Variants in ARHGAP27 observed in about 807,000 individuals in gnomAD.
ARHGAP27 encodes the protein Rho GTPase activating protein 27, also known as rho GTPase-activating protein 27.
A neutral mutation model predicts 102.0 loss-of-function variants in ARHGAP27; 53 were observed. The ratio of observed to expected loss-of-function variants is 0.52; its 90% CI spans 0.42 to 0.65. The LOEUF (loss-of-function observed/expected upper bound fraction) is 0.65, where lower values mean the gene tolerates loss of function less well. ARHGAP27 is among the 30% of genes least tolerant of loss of function. ARHGAP27 has a pLI of 0.00. For missense variants in ARHGAP27, 1,117 were observed against 1,256.2 expected (o/e 0.89, Z 1.68); for synonymous variants, 525 against 542.8 (o/e 0.97, Z 0.46).
In ARHGAP27 at chr17:45,429,393, GC is replaced by G. The variant is rs1439221477; in HGVS notation, c.657+229del. The G allele has an allele frequency of 3.7e-6, 5 of 1,360,042 alleles. No individual in the cohort carries two copies. In the Admixed American group the frequency reaches 1.9e-4, roughly 51 times the overall value. The allele number at this position is 1,360,042 out of a possible 1,614,324, so 84.2% of individuals were successfully genotyped here. Reference sequence around the variant, plus strand: ...TTTGCCACCAATTGGATTACGAAAAGCCTCTGGGCTTCCAGGGAGCTTTGGA... The same window carrying G: ...TTTGCCACCAATTGGATTACGAAAAGCTCTGGGCTTCCAGGGAGCTTTGGA... On this transcript the variant is annotated intron_variant, in intron 4 of 19. Transcript: ENST00000685559.
chr17:45,417,869 C>A lies in ARHGAP27; in HGVS notation c.657+11754G>T, dbSNP rs12952504. ...GAGATCGAGACCATCATGGCTAACA[C>A]GGTGAAACCCCGTCTCTACTAAAAA... On this transcript the variant is annotated intron_variant, in intron 4 of 19. Transcript: ENST00000685559. Among the ~76,000 whole-genome samples the A allele has an allele frequency of 4.4e-3, 674 of 151,702 alleles. 2 individuals carry two copies. The highest frequency in any genetic ancestry group is 0.015 in the African/African-American group (636 of 41,360).
chr17:45,405,655 C>T, intron 5 of ARHGAP27, 21 bp downstream of exon 5: 1 of 1,561,784 alleles, frequency 6.4e-7, no homozygotes, highest in South Asian at 1.2e-5. Flanking sequence ...TAGAACCGCC[C>T]ACTCTGGCCC....
intron 1 of ARHGAP27, 90 bp from the exon 2 acceptor site, chr17:45,432,439 G>C (rs2050119347): frequency 6.5e-6 from 1 of 152,852 alleles, no homozygotes; most frequent in Admixed American, 6.5e-5. Context: ...GGTCCCCTGC[G>C]TCCACTGCCC....
chr17:45,428,260 C>G (rs1033970153), intron 4 of ARHGAP27, among the ~76,000 whole-genome samples: 3 of 152,264 alleles, frequency 2.0e-5, no homozygotes, highest in Non-Finnish European at 4.4e-5. Context: ...GCTGCAGAAG[C>G]CTGAGTGAAG....
intron 12 of ARHGAP27, among the ~76,000 whole-genome samples, chr17:45,400,718 C>T (rs1226207584): frequency 6.6e-6 from 1 of 151,938 alleles, no homozygotes; most frequent in Non-Finnish European, 1.5e-5. Context: ...AGATTGAGAC[C>T]ATCCTGGCCA....
In ARHGAP27 at chr17:45,404,699, G is replaced by A. The variant is rs534306612; in HGVS notation, c.1249-18C>T. 219 of 1,604,110 alleles carry A rather than the reference G, an allele frequency of 1.4e-4. 4 individuals are homozygous for A. In the South Asian group the frequency reaches 2.3e-3, roughly 17 times the overall value. On this transcript the variant is annotated intron_variant, in intron 6 of 19. Coordinates refer to ENST00000685559, the MANE Select transcript of ARHGAP27 (RefSeq NM_001282290.2). ...CTCACCCACTGTGGGGAGAGGAATGGTCAGGGCCTCCAGCCCAGCTTATGA... is the reference window on the plus strand; with the variant it reads ...CTCACCCACTGTGGGGAGAGGAATGATCAGGGCCTCCAGCCCAGCTTATGA...
chr17:45,414,902 CAA>C (rs35471470), intron 4 of ARHGAP27, among the ~76,000 whole-genome samples: 1,585 of 92,908 alleles, frequency 0.017, 23 homozygotes, highest in African/African-American at 0.058. Context: ...CTAAAAATAC[CAA>C]AAAAAAAAAA....
Position 45,405,755 on chromosome 17 carries a change from T to C in ARHGAP27, c.986A>G (p.Glu329Gly). 1 of 1,597,224 alleles carries C rather than the reference T, an allele frequency of 6.3e-7. No homozygotes were observed. The highest frequency in any genetic ancestry group is 8.5e-7 in the Non-Finnish European group (1 of 1,178,056). ...YNPLTGETAWEDEAENEPEEE... is the reference protein window; with the variant it reads ...YNPLTGETAWGDEAENEPEEE... ...CTCGGGCTCGTTCTCGGCCTCGTCC[T>C]CCCAGGCCGTCTCGCCCGTCAGCGG... Residue 329 changes from glutamate (E) to glycine (G), a missense_variant, in exon 5 of 20, where the codon GAG (glutamate) becomes GGG (glycine). This residue lies in a region of ARHGAP27 where 610 missense variants were observed against 716.4 expected (regional missense o/e 0.85). Coordinates refer to ENST00000685559, the MANE Select transcript of ARHGAP27 (RefSeq NM_001282290.2).
intron 4 of ARHGAP27, among the ~76,000 whole-genome samples, chr17:45,418,720 T>G (rs1215650590): frequency 6.6e-6 from 1 of 151,636 alleles, no homozygotes; most frequent in South Asian, 2.1e-4. Flanking sequence ...CTGGCACAGG[T>G]GAGAGGCTGT....
chr17:45,396,866 C>T, intron 14 of ARHGAP27, 50 bp downstream of exon 14: 1 of 1,607,406 alleles, frequency 6.2e-7, no homozygotes, highest in Non-Finnish European at 8.5e-7. Context: ...AACCGTCACT[C>T]CCCAGGAGAG....
At chr17:45,397,337 G>C in intron 13 of ARHGAP27, 2 of 1,251,236 alleles carry the variant, frequency 1.6e-6, no homozygotes, top group Non-Finnish European at 2.0e-6. Context: ...CTCTAACTGG[G>C]TCAGCATTCC....
In ARHGAP27 at chr17:45,395,106, CA is replaced by C. The variant is rs1171869459; in HGVS notation, c.*349del. ...CAGAAGCAGCCAGGAAGCCCTCCAT[CA>C]AACTCCTCCTCCCAGCACCTACCAT... On this transcript the variant is annotated 3_prime_UTR_variant, in exon 20 of 20. Coordinates refer to ENST00000685559, the MANE Select transcript of ARHGAP27 (RefSeq NM_001282290.2). 5 of 317,804 alleles carry C rather than the reference CA, an allele frequency of 1.6e-5. No homozygotes were observed. Among genetic ancestry groups the C allele is most frequent in the Non-Finnish European group, 2.9e-5 (5 of 170,620 alleles). The allele number at this position is 317,804 out of a possible 1,614,324, so 19.7% of individuals were successfully genotyped here.
Position 45,396,014 on chromosome 17 carries a change from G to A in ARHGAP27, c.2355C>T (p.Phe785=). The A allele has an allele frequency of 1.2e-6, 2 of 1,613,602 alleles. No homozygotes were observed. Among genetic ancestry groups the A allele is most frequent in the East Asian group, 2.2e-5 (1 of 44,874 alleles). The change falls in exon 18 of 20, where the codon TTC becomes TTT. Residue 785 remains phenylalanine (F), a synonymous_variant. Coordinates refer to ENST00000685559, the MANE Select transcript of ARHGAP27 (RefSeq NM_001282290.2). ...FRELPEPLFP[F]SHFRQFIAAI... ...CCGCAATGAACTGGCGGAAGTGCGA[G>A]AAGGGGAAGAGGGGCTCGGGCAGCT... is the stretch of plus-strand genomic sequence containing the variant.
At chr17:45,418,985 G>A (rs1567726524) in intron 4 of ARHGAP27, among the ~76,000 whole-genome samples, 2 of 151,916 alleles carry the variant, frequency 1.3e-5, no homozygotes, top group African/African-American at 4.8e-5. Flanking sequence ...CCACTCTAGG[G>A]CCCCCCCACC....
At position 45,404,491 on chromosome 17, in the gene ARHGAP27, C is replaced by A. The variant is rs767655130; in HGVS notation, c.1367G>T (p.Ser456Ile). Reference protein sequence around the residue: ...VPAPRSIHKSSQDGDTPAQAS... With the variant: ...VPAPRSIHKSIQDGDTPAQAS... ...CTGGGCTGGGGTGTCACCATCCTGG[C>A]TGGATTTATGGATGCTTCGAGGGGC... Residue 456 changes from serine (S) to isoleucine (I), a missense_variant, in exon 8 of 20, where the codon AGC becomes ATC. By Grantham distance (142) the Ser-to-Ile change is moderately radical. Around this residue, in one of 3 missense-constraint regions of ARHGAP27, gnomAD observed 610 missense variants for 716.4 expected, o/e 0.85. Coordinates refer to ENST00000685559, the MANE Select transcript of ARHGAP27 (RefSeq NM_001282290.2). The A allele has an allele frequency of 1.9e-6, 3 of 1,613,664 alleles. No homozygotes were observed. The East Asian group carries it at 6.7e-5, about 36-fold the overall frequency.
chr17:45,397,319 C>T, intron 13 of ARHGAP27: 3 of 1,300,350 alleles, frequency 2.3e-6, no homozygotes, highest in Non-Finnish European at 2.9e-6. Flanking sequence ...CTCTATTTTC[C>T]TCAGCTCCTC....
At chr17:45,419,322 C>T (rs897672984) in intron 4 of ARHGAP27, among the ~76,000 whole-genome samples, 27 of 151,806 alleles carry the variant, frequency 1.8e-4, no homozygotes, top group Non-Finnish European at 3.7e-4. Context: ...TTTTTAAAAA[C>T]GAAGCCATAA....
Position 45,395,058 on chromosome 17 carries a change from GA to G in ARHGAP27, c.*397del. On this transcript the variant is annotated 3_prime_UTR_variant, in exon 20 of 20. Transcript: ENST00000685559. ...GGGCCAGGGCCCACAGGGTCTCTGTGAAGGCCTCCACGAGGTGAGGGCCAGA... is the reference window on the plus strand; with the variant it reads ...GGGCCAGGGCCCACAGGGTCTCTGTGAGGCCTCCACGAGGTGAGGGCCAGA... 4.0e-6 allele frequency: 1 copy of G among 251,186 alleles called. No individual in the cohort carries two copies. Among genetic ancestry groups the G allele is most frequent in the South Asian group, 5.1e-5 (1 of 19,422 alleles). 15.6% of individuals were successfully genotyped at this position (251,186 alleles called of 1,614,324 possible).
intron 4 of ARHGAP27, chr17:45,410,197 C>T: frequency 3.9e-6 from 6 of 1,531,954 alleles, no homozygotes; most frequent in Non-Finnish European, 5.2e-6. Context: ...GTGGTAGAGG[C>T]CCACCGGGCA....
Sources: gnomAD v4.1 joint callset for allele counts (sites outside exome capture counted in the v4.1 genomes callset) on GRCh38, gnomAD v4.1.1 for gene constraint, gnomAD v4.1.1 regional missense constraint, MANE v1.5 for transcripts, NCBI Gene and HGNC (gene_info 2026-07-23, HGNC 2026-07-21) for gene names.